The following TFDP2 variants were observed in gnomAD, a reference collection of about 807,000 sequenced individuals.
The protein encoded by TFDP2 is transcription factor Dp-2, also known as transcription factor Dp-2 (E2F dimerization partner 2).
TFDP2 carries 17 observed loss-of-function variants against 59.3 expected under a neutral mutation model. The ratio of observed to expected loss-of-function variants is 0.29; its 90% CI spans 0.20 to 0.43. The LOEUF is 0.43. Among genes scored for constraint, TFDP2 ranks in the 20% least tolerant of loss-of-function variants. The pLI is 1.00. For missense variants in TFDP2, 391 were observed against 528.8 expected (o/e 0.74, Z 2.56); for synonymous variants, 180 against 194.7 (o/e 0.92, Z 0.63).
intron 7 of TFDP2, among the ~76,000 whole-genome samples, chr3:141,975,349 T>C (rs1023485566): frequency 3.3e-5 from 5 of 151,232 alleles, no homozygotes; most frequent in Non-Finnish European, 5.9e-5. Context: ...TAAAACTAGA[T>C]CTAAATAAGT....
intron 3 of TFDP2, among the ~76,000 whole-genome samples, chr3:142,036,096 G>GGA (rs2108430332): frequency 6.6e-6 from 1 of 152,138 alleles, no homozygotes; most frequent in African/African-American, 2.4e-5. Flanking sequence ...GTCCATTTGT[G>GGA]CCAAGTAAAC....
At position 141,993,483 on chromosome 3, in the gene TFDP2, A is replaced by G. The variant is rs569862758; in HGVS notation, c.356+55T>C. The G allele has an allele frequency of 2.5e-3, 2,950 of 1,184,750 alleles. 5 individuals are homozygous for G. The highest frequency in any genetic ancestry group is 3.1e-3 in the Non-Finnish European group (2,549 of 830,074). 73.4% of individuals were successfully genotyped at this position (1,184,750 alleles called of 1,614,324 possible). ...TTAAACCAGAGCAGTGGCAATGCCAACAGCCTCTCTATATAGCCAAATCTT... is the reference window on the plus strand; with the variant it reads ...TTAAACCAGAGCAGTGGCAATGCCAGCAGCCTCTCTATATAGCCAAATCTT... On this transcript the variant is annotated intron_variant, in intron 6 of 12. Transcript: ENST00000489671.
At chr3:141,993,936 A>C (rs768776745) in intron 5 of TFDP2, among the ~76,000 whole-genome samples, 1 of 152,252 alleles carries the variant, frequency 6.6e-6, no homozygotes, top group Non-Finnish European at 1.5e-5. Context: ...GGCTGAAAAC[A>C]TCCAGACCCT....
intron 11 of TFDP2, among the ~76,000 whole-genome samples, chr3:141,955,377 CT>C (rs1249641272): frequency 6.6e-6 from 1 of 152,208 alleles, no homozygotes; most frequent in Non-Finnish European, 1.5e-5. Context: ...CGCCCTGAGC[CT>C]TTTCACTGGG....
At position 142,067,989 on chromosome 3, in the gene TFDP2, G is replaced by GT. The variant is rs1553795162; in HGVS notation, c.82+25071dup. On this transcript the variant is annotated intron_variant, in intron 3 of 12. Coordinates refer to ENST00000489671, the MANE Select transcript of TFDP2 (RefSeq NM_001178139.2). ...ACTGCACTCCATCTTGAGTGACAGAGTAAGACTCTAGCTTAAAAAAAAAAA... is the reference window on the plus strand; with the variant it reads ...ACTGCACTCCATCTTGAGTGACAGAGTTAAGACTCTAGCTTAAAAAAAAAAA... 5.6e-5 allele frequency among the ~76,000 whole-genome samples: 8 copies of GT among 142,048 alleles called. No individual in the cohort carries two copies. The South Asian group carries it at 2.0e-3, about 36-fold the overall frequency. The allele number at this position is 142,048 out of a possible 152,430, so 93.2% of individuals were successfully genotyped here.
At position 141,975,562 on chromosome 3, in the gene TFDP2, C is replaced by T. The variant is rs934775823; in HGVS notation, c.520-1371G>A. 5.9e-5 allele frequency among the ~76,000 whole-genome samples: 9 copies of T among 151,816 alleles called. No homozygotes were observed. In the East Asian group the frequency reaches 7.8e-4, roughly 13 times the overall value. On this transcript the variant is annotated intron_variant, in intron 7 of 12. Transcript: ENST00000489671. ...TACAAAACTTAACTGGGCGTGGTGG[C>T]GCATGACTGTAATGCCAGCTACTCA...
chr3:141,979,272 T>C (rs1338412255), intron 6 of TFDP2, among the ~76,000 whole-genome samples: 1 of 152,208 alleles, frequency 6.6e-6, no homozygotes, highest in Non-Finnish European at 1.5e-5. Context: ...CCTATAAAAG[T>C]CTAGCACATG....
intron 1 of TFDP2, among the ~76,000 whole-genome samples, chr3:142,105,098 A>G (rs2061432241): frequency 6.6e-6 from 1 of 152,232 alleles, no homozygotes; most frequent in African/African-American, 2.4e-5. Context: ...GTTTATACAT[A>G]TTCTGAACAC....
intron 3 of TFDP2, among the ~76,000 whole-genome samples, chr3:142,080,064 A>G (rs534926367): frequency 1.6e-4 from 25 of 152,158 alleles, no homozygotes; most frequent in Non-Finnish European, 3.1e-4. Context: ...CCCAGGTTCA[A>G]GTGATTCTCA....
chr3:142,149,461 T>C lies in TFDP2; in HGVS notation c.-371A>G. 1 of 366,010 alleles carries C rather than the reference T, an allele frequency of 2.7e-6. No individual in the cohort carries two copies. Among genetic ancestry groups the C allele is most frequent in the Non-Finnish European group, 4.9e-6 (1 of 205,786 alleles). The allele number at this position is 366,010 out of a possible 1,614,324, so 22.7% of individuals were successfully genotyped here. On this transcript the variant is annotated 5_prime_UTR_variant, in exon 1 of 13. Coordinates refer to ENST00000489671, the MANE Select transcript of TFDP2 (RefSeq NM_001178139.2). ...GCGGCAGCGCCGCAGCCGAGATCGCTACCGATTTCGTCCGCCCTCTCCCTG... is the reference window on the plus strand; with the variant it reads ...GCGGCAGCGCCGCAGCCGAGATCGCCACCGATTTCGTCCGCCCTCTCCCTG...
chr3:141,968,180 G>C (rs954870648), intron 9 of TFDP2, among the ~76,000 whole-genome samples: 1 of 132,272 alleles, frequency 7.6e-6, no homozygotes, highest in Non-Finnish European at 1.6e-5. Flanking sequence ...GGAATAAACT[G>C]TCAGTTTCAG....
At chr3:142,033,114 G>A (rs1196544303) in intron 3 of TFDP2, among the ~76,000 whole-genome samples, 1 of 152,130 alleles carries the variant, frequency 6.6e-6, no homozygotes, top group Non-Finnish European at 1.5e-5. Flanking sequence ...AGAATCACTT[G>A]AACCCAGGAG....
chr3:142,068,551 G>A (rs1010533796), intron 3 of TFDP2, among the ~76,000 whole-genome samples: 10 of 151,424 alleles, frequency 6.6e-5, no homozygotes, highest in African/African-American at 2.4e-4. Flanking sequence ...TTTGTATGTT[G>A]TGTCATTATT....
chr3:142,083,998 A>C (rs1261114941), intron 3 of TFDP2, among the ~76,000 whole-genome samples: 1 of 152,202 alleles, frequency 6.6e-6, no homozygotes, highest in Non-Finnish European at 1.5e-5. Context: ...GCAAAAATGG[A>C]CAAATGCGAA....
intron 3 of TFDP2, among the ~76,000 whole-genome samples, chr3:142,067,624 T>A (rs1560107316): frequency 6.6e-6 from 1 of 152,136 alleles, no homozygotes; most frequent in Non-Finnish European, 1.5e-5. Context: ...AAACTGATTC[T>A]AAAATTTATA....
At chr3:142,018,030 C>A (rs1216282707) in intron 3 of TFDP2, among the ~76,000 whole-genome samples, 1 of 151,866 alleles carries the variant, frequency 6.6e-6, no homozygotes, top group Non-Finnish European at 1.5e-5. Flanking sequence ...GCAACCTCCG[C>A]CTCCTGGGTT....
rs1410555705 is a variant in TFDP2, at chr3:142,093,092, T to C, written c.51A>G (p.Gly17=). The C allele has an allele frequency of 1.3e-6, 2 of 1,541,196 alleles. No homozygotes were observed. Among genetic ancestry groups the C allele is most frequent in the Non-Finnish European group, 1.7e-6 (2 of 1,149,904 alleles). Residue 17 remains glycine, a synonymous_variant, in exon 3 of 13, where the codon GGA becomes GGG. Transcript: ENST00000489671. Reference sequence around the variant, plus strand: ...TTGGACTGAGATTCTGATCTATAAATCCTCTTACTTCTGCATTTGTGGAAG... The same window carrying C: ...TTGGACTGAGATTCTGATCTATAAACCCTCTTACTTCTGCATTTGTGGAAG... The part of the protein sequence containing the change: ...GLTSTNAEVR[G]FIDQNLSPTK...
intron 3 of TFDP2, among the ~76,000 whole-genome samples, chr3:142,019,306 C>T (rs1459433365): frequency 6.6e-6 from 1 of 152,144 alleles, no homozygotes; most frequent in Non-Finnish European, 1.5e-5. Context: ...TCAGGTAACC[C>T]GCCCGCCTCA....
intron 11 of TFDP2, among the ~76,000 whole-genome samples, chr3:141,958,255 A>C (rs944006989): frequency 6.6e-6 from 1 of 152,216 alleles, no homozygotes; most frequent in African/African-American, 2.4e-5. Flanking sequence ...TTTTCAGTAA[A>C]ATAAACAGAT....
Sources: gnomAD v4.1 joint callset for allele counts (sites outside exome capture counted in the v4.1 genomes callset) on GRCh38, gnomAD v4.1.1 for gene constraint, MANE v1.5 for transcripts, NCBI Gene and HGNC (gene_info 2026-07-23, HGNC 2026-07-21) for gene names.